MICAL3: variants seen among roughly 807,000 people sequenced by gnomAD.
The protein encoded by MICAL3 is microtubule associated monooxygenase, calponin and LIM domain containing 3.
MICAL3 carries 62 observed loss-of-function variants against 207.4 expected under a neutral mutation model. The observed-to-expected ratio is 0.30, with a 90% CI of 0.24 to 0.37. The LOEUF is 0.37. MICAL3 is among the 10% of genes least tolerant of loss of function. The pLI is 1.00. For synonymous variants in MICAL3, 1,077 were observed against 1,069.3 expected (o/e 1.01, Z -0.14); for missense variants, 2,368 against 2,635.6 (o/e 0.90, Z 2.22).
intron 25 of MICAL3, among the ~76,000 whole-genome samples, chr22:17,820,356 T>TA (rs1355112679): frequency 6.6e-6 from 1 of 152,198 alleles, no homozygotes; most frequent in African/African-American, 2.4e-5. Flanking sequence ...ATGGACGCTG[T>TA]AAATTTCTTT....
At chr22:18,018,843 A>G (rs1200782183) in intron 1 of MICAL3, among the ~76,000 whole-genome samples, 1 of 150,940 alleles carries the variant, frequency 6.6e-6, no homozygotes, top group African/African-American at 2.5e-5. Flanking sequence ...TCAGGACACA[A>G]ATCTTCCCTT....
At chr22:17,797,337 C>A (rs2145958160) in intron 29 of MICAL3, among the ~76,000 whole-genome samples, 1 of 152,194 alleles carries the variant, frequency 6.6e-6, no homozygotes, top group South Asian at 2.1e-4. Context: ...CCCGTCTCTA[C>A]AACAATTAGC....
intron 1 of MICAL3, among the ~76,000 whole-genome samples, chr22:17,960,546 AGT>A (rs1280971371): frequency 6.6e-6 from 1 of 152,070 alleles, no homozygotes; most frequent in Admixed American, 6.6e-5. Context: ...CCCGCCCAGG[AGT>A]GTGTGTGGGA....
chr22:17,848,026 CTT>C (rs1924824138), intron 19 of MICAL3, among the ~76,000 whole-genome samples: 2 of 152,166 alleles, frequency 1.3e-5, no homozygotes, highest in Non-Finnish European at 2.9e-5. Flanking sequence ...CTGCCCCGAT[CTT>C]CTTGAACTAA....
intron 16 of MICAL3, among the ~76,000 whole-genome samples, chr22:17,873,991 C>T (rs938207307): frequency 6.6e-6 from 1 of 152,214 alleles, no homozygotes; most frequent in Non-Finnish European, 1.5e-5. Context: ...GGGATGCCAA[C>T]AGCCCCCTTA....
chr22:17,983,340 A>G (rs1936013155), intron 1 of MICAL3: 1 of 152,026 alleles, frequency 6.6e-6, no homozygotes, highest in South Asian at 2.1e-4. Flanking sequence ...TCTTTTAACA[A>G]CCAAGGGTCT....
At chr22:17,806,329 C>T (rs1044890583) in intron 29 of MICAL3, among the ~76,000 whole-genome samples, 8 of 152,054 alleles carry the variant, frequency 5.3e-5, no homozygotes, top group African/African-American at 1.2e-4. Context: ...GTGGGTAACA[C>T]GTTTTGCTGC....
chr22:17,850,265 C>G (rs1206240044), intron 19 of MICAL3, among the ~76,000 whole-genome samples: 1 of 152,140 alleles, frequency 6.6e-6, no homozygotes, highest in East Asian at 1.9e-4. Flanking sequence ...ACCCCTCAGA[C>G]CCAAACACTG....
intron 1 of MICAL3, among the ~76,000 whole-genome samples, chr22:18,008,598 A>C (rs955982662): frequency 1.3e-5 from 2 of 152,248 alleles, no homozygotes; most frequent in Non-Finnish European, 2.9e-5. Flanking sequence ...GAACCAACTT[A>C]ATCTTCTGTA....
chr22:17,877,842 C>A (rs1399884586), intron 16 of MICAL3, among the ~76,000 whole-genome samples: 1 of 152,210 alleles, frequency 6.6e-6, no homozygotes, highest in African/African-American at 2.4e-5. Flanking sequence ...GCTCCCCTCC[C>A]TTCTTCTTTT....
At position 17,818,844 on chromosome 22, in the gene MICAL3, G is replaced by A. The variant is rs1028483030; in HGVS notation, c.3817C>T (p.Pro1273Ser). The A allele has an allele frequency of 3.9e-6, 6 of 1,552,526 alleles. No individual in the cohort carries two copies. In the Admixed American group the frequency reaches 7.4e-5, roughly 19 times the overall value. The stretch of plus-strand genomic sequence containing the variant: ...CGTATGGGGGACTGGGTAGGGGATG[G>A]GACAGTGGCCTCGGTGGAAGGCTGG... The part of the protein sequence containing the change: ...QPQPSTEATV[P>S]SPTQSPIRFQ... Residue 1273 changes from proline (P) to serine (S), a missense_variant, in exon 26 of 32, where the codon CCA becomes TCA. Physicochemically the swap from Pro to Ser is moderately conservative, Grantham distance 74. Transcript: ENST00000441493.
intron 29 of MICAL3, among the ~76,000 whole-genome samples, chr22:17,794,086 C>CA (rs1569066030): frequency 3.5e-4 from 53 of 152,246 alleles, no homozygotes; most frequent in African/African-American, 1.2e-3. Flanking sequence ...ACAGAGGGGG[C>CA]GGGGGGCCAG....
intron 1 of MICAL3, among the ~76,000 whole-genome samples, chr22:17,972,974 G>T (rs531532575): frequency 6.6e-5 from 10 of 152,170 alleles, no homozygotes; most frequent in Admixed American, 6.5e-4. Context: ...GGCATGTTGC[G>T]CCTTGCCCAG....
intron 1 of MICAL3, among the ~76,000 whole-genome samples, chr22:18,018,125 C>T (rs1924188028): frequency 6.6e-6 from 1 of 152,062 alleles, no homozygotes; most frequent in African/African-American, 2.4e-5. Flanking sequence ...CCGCCTGCCT[C>T]GGCCTCCCAA....
At chr22:17,901,371 G>A (rs1045482861) in intron 5 of MICAL3, among the ~76,000 whole-genome samples, 6 of 152,124 alleles carry the variant, frequency 3.9e-5, no homozygotes, top group African/African-American at 1.4e-4. Flanking sequence ...CAGCAAGAGT[G>A]CCCTGTAAGC....
intron 1 of MICAL3, among the ~76,000 whole-genome samples, chr22:17,947,359 A>G (rs771023420): frequency 1.3e-5 from 2 of 152,222 alleles, no homozygotes; most frequent in Non-Finnish European, 2.9e-5. Flanking sequence ...CCCTTAAGGA[A>G]AGAGGAAAAG....
intron 16 of MICAL3, among the ~76,000 whole-genome samples, chr22:17,873,481 T>C (rs796299346): frequency 2.4e-4 from 36 of 152,346 alleles, no homozygotes; most frequent in African/African-American, 7.9e-4. Context: ...GCTGATGTTA[T>C]TGGGGGTCTG....
At chr22:17,859,177 G>A (rs1207390876) in intron 19 of MICAL3, among the ~76,000 whole-genome samples, 1 of 152,166 alleles carries the variant, frequency 6.6e-6, no homozygotes, top group African/African-American at 2.4e-5. Flanking sequence ...ACTGGGGGGT[G>A]AGGCCCTCCC....
At chr22:17,884,383 G>T (rs768488028) in intron 16 of MICAL3, 2 of 1,557,774 alleles carry the variant, frequency 1.3e-6, no homozygotes, top group Admixed American at 3.8e-5. Flanking sequence ...CCAAGTGTGG[G>T]TGGGGACAGG....
Sources: gnomAD v4.1 joint callset for allele counts (sites outside exome capture counted in the v4.1 genomes callset) on GRCh38, gnomAD v4.1.1 for gene constraint, MANE v1.5 for transcripts, NCBI Gene and HGNC (gene_info 2026-07-23, HGNC 2026-07-21) for gene names.